The following DISC1 variants were observed in gnomAD, a reference collection of about 807,000 sequenced individuals.
DISC1 encodes DISC1 scaffold protein.
DISC1 carries 57 observed loss-of-function variants against 84.5 expected under a neutral mutation model. The observed-to-expected ratio is 0.67, with a 90% CI of 0.55 to 0.84. The LOEUF is 0.84. DISC1 is among the 40% of genes least tolerant of loss of function. DISC1 has a pLI of 0.00. For synonymous variants in DISC1, 411 were observed against 415.2 expected, an observed-to-expected ratio of 0.99 and a Z score of 0.12; for missense variants, 1,000 against 1,057.8, an observed-to-expected ratio of 0.95 and a Z score of 0.76.
At chr1:231,992,710 G>A (rs907145126) in intron 10 of DISC1, among the ~76,000 whole-genome samples, 5 of 152,158 alleles carry the variant, frequency 3.3e-5, no homozygotes, top group African/African-American at 9.7e-5. Flanking sequence ...TTAATGCAGC[G>A]AATCCATTGG....
In DISC1 at chr1:232,029,786, G is replaced by A. The variant is rs80126188; in HGVS notation, c.2425+3234G>A. Among the ~76,000 whole-genome samples, 1,353 of 152,348 alleles carry A rather than the reference G, an allele frequency of 8.9e-3. 9 individuals carry two copies. The highest frequency in any genetic ancestry group is 0.013 in the Non-Finnish European group (867 of 68,038). On this transcript the variant is annotated intron_variant, in intron 12 of 12. Coordinates refer to ENST00000439617, the MANE Select transcript of DISC1 (RefSeq NM_018662.3). ...CTCAGTTTTTGCATAAACCATGTGTGTACATAAGGGCTATTAGTGTGGCAT... is the reference window on the plus strand; with the variant it reads ...CTCAGTTTTTGCATAAACCATGTGTATACATAAGGGCTATTAGTGTGGCAT...
chr1:232,015,279 C>T (rs920464966), intron 11 of DISC1, among the ~76,000 whole-genome samples: 8 of 152,060 alleles, frequency 5.3e-5, no homozygotes, highest in South Asian at 2.1e-4. Flanking sequence ...CAGGGCCTCA[C>T]GGTGGCCCTT....
intron 7 of DISC1, among the ~76,000 whole-genome samples, chr1:231,797,456 G>C (rs2078846678): frequency 6.6e-6 from 1 of 152,028 alleles, no homozygotes; most frequent in African/African-American, 2.4e-5. Flanking sequence ...TGGGATTAGG[G>C]TTCCAGCATG....
chr1:231,768,819 A>G (rs142999357), intron 5 of DISC1, among the ~76,000 whole-genome samples: 1 of 152,224 alleles, frequency 6.6e-6, no homozygotes, highest in Non-Finnish European at 1.5e-5. Context: ...GAGTAGACTA[A>G]GATGATGTGG....
intron 1 of DISC1, among the ~76,000 whole-genome samples, chr1:231,667,624 G>A (rs1572671538): frequency 6.6e-6 from 1 of 152,098 alleles, no homozygotes; most frequent in East Asian, 1.9e-4. Context: ...AATTCAAGGT[G>A]GTAAAGCAGC....
rs568515008 is a variant in DISC1, at chr1:231,833,456, T to C, written c.1981+14939T>C. 8.6e-5 allele frequency among the ~76,000 whole-genome samples: 13 copies of C among 151,828 alleles called. 1 individual carries two copies. The highest frequency in any genetic ancestry group is 2.7e-4 in the African/African-American group (11 of 41,136). On this transcript the variant is annotated intron_variant, in intron 9 of 12. Transcript: ENST00000439617. ...TGGTCTAGGGGGCTTCCAAGGCGAT[T>C]TGGCAGTGTCAGTCTTCAGCTGCTA...
rs1479399543 is a variant in DISC1 at position 231,705,319 on chromosome 1, A to AT, written c.1117+3297dup. 6.1e-4 allele frequency among the ~76,000 whole-genome samples: 42 copies of AT among 68,548 alleles called. 1 individual carries two copies. The East Asian group carries it at 0.016, about 26-fold the overall frequency. 45.0% of individuals were successfully genotyped at this position (68,548 alleles called of 152,430 possible). On this transcript the variant is annotated intron_variant, in intron 3 of 12. Coordinates refer to ENST00000439617, the MANE Select transcript of DISC1 (RefSeq NM_018662.3). ...AAAAAAAAAAAAAAAAAAAAAAATCATTAAAAAAAAAAAAATAAAGGCAGA... is the reference window on the plus strand; with the variant it reads ...AAAAAAAAAAAAAAAAAAAAAAATCATTTAAAAAAAAAAAAATAAAGGCAGA...
intron 8 of DISC1, among the ~76,000 whole-genome samples, chr1:231,812,768 C>T (rs2080434597): frequency 6.6e-6 from 1 of 151,322 alleles, no homozygotes; most frequent in Admixed American, 6.6e-5. Flanking sequence ...CTTCAGGTAT[C>T]AGCATTGACT....
At position 231,934,192 on chromosome 1, in the gene DISC1, C is replaced by G. The variant is rs147802220; in HGVS notation, c.1982-24636C>G. ...AATAGCTGTGAGGGCTTCCCAGCAGCGTTAGACACACCCTTTGCTTCAGGG... is the reference window on the plus strand; with the variant it reads ...AATAGCTGTGAGGGCTTCCCAGCAGGGTTAGACACACCCTTTGCTTCAGGG... On this transcript the variant is annotated intron_variant, in intron 9 of 12. Transcript: ENST00000439617. Among the ~76,000 whole-genome samples, 230 of 152,304 alleles carry G rather than the reference C, an allele frequency of 1.5e-3. 2 individuals are homozygous for G. The highest frequency in any genetic ancestry group is 8.3e-3 in the Admixed American group (127 of 15,302).
At chr1:231,664,955 T>C (rs2061890498) in intron 1 of DISC1, among the ~76,000 whole-genome samples, 1 of 152,092 alleles carries the variant, frequency 6.6e-6, no homozygotes, top group Non-Finnish European at 1.5e-5. Flanking sequence ...TATATGTAGA[T>C]ACTAGTCTAT....
intron 10 of DISC1, among the ~76,000 whole-genome samples, chr1:231,990,371 C>A (rs949014241): frequency 8.6e-5 from 13 of 151,920 alleles, no homozygotes; most frequent in African/African-American, 2.9e-4. Context: ...GGCCAAGAGT[C>A]CCCCTGCTCA....
At chr1:232,035,230 G>C (rs1364769360) in intron 12 of DISC1, among the ~76,000 whole-genome samples, 3 of 152,294 alleles carry the variant, frequency 2.0e-5, no homozygotes, top group Middle Eastern at 3.4e-3. Flanking sequence ...CAGGCAGACT[G>C]CCTGAGGTCA....
chr1:231,910,249 T>A (rs2089077649), intron 9 of DISC1, among the ~76,000 whole-genome samples: 1 of 152,224 alleles, frequency 6.6e-6, no homozygotes, highest in Admixed American at 6.5e-5. Context: ...CTTCTCTAGT[T>A]CTTTTAATTG....
intron 10 of DISC1, among the ~76,000 whole-genome samples, chr1:231,979,729 A>G (rs1321854109): frequency 6.6e-6 from 1 of 151,270 alleles, no homozygotes; most frequent in East Asian, 1.9e-4. Context: ...ATGTAATAGT[A>G]TATTAGGAGT....
intron 10 of DISC1, among the ~76,000 whole-genome samples, chr1:231,989,600 G>GCT (rs1664917356): frequency 6.6e-6 from 1 of 152,194 alleles, no homozygotes; most frequent in South Asian, 2.1e-4. Flanking sequence ...ATCAAAGAGA[G>GCT]CTGGCTTTTA....
intron 11 of DISC1, among the ~76,000 whole-genome samples, chr1:232,014,119 C>A (rs1379221401): frequency 6.6e-6 from 1 of 152,164 alleles, no homozygotes; most frequent in Non-Finnish European, 1.5e-5. Context: ...AGGTGATCCA[C>A]AATGAAGATG....
chr1:232,019,114 A>T (rs921396962), intron 11 of DISC1, among the ~76,000 whole-genome samples: 3 of 152,196 alleles, frequency 2.0e-5, no homozygotes, highest in African/African-American at 7.2e-5. Context: ...GGACCTCATC[A>T]TCTGGTGAGG....
intron 2 of DISC1, among the ~76,000 whole-genome samples, chr1:231,695,569 G>A (rs1364751835): frequency 6.6e-6 from 1 of 151,994 alleles, no homozygotes; most frequent in African/African-American, 2.4e-5. Flanking sequence ...ATCCTGGTGT[G>A]TGTGTGCATA....
chr1:231,792,849 A>C (rs1256744050), intron 6 of DISC1, among the ~76,000 whole-genome samples: 2 of 152,206 alleles, frequency 1.3e-5, no homozygotes, highest in Non-Finnish European at 2.9e-5. Context: ...AGGATTCCAA[A>C]CATTGTTTTC....
Sources: gnomAD v4.1 joint callset for allele counts (sites outside exome capture counted in the v4.1 genomes callset) on GRCh38, gnomAD v4.1.1 for gene constraint, MANE v1.5 for transcripts, NCBI Gene and HGNC (gene_info 2026-07-23, HGNC 2026-07-21) for gene names.